GSDMC: variants seen among roughly 807,000 people sequenced by gnomAD.
GSDMC encodes gasdermin-C.
In GSDMC, 59 loss-of-function variants were observed where a neutral mutation model predicts 58.0. That is an observed-to-expected ratio of 1.02 (90% CI 0.82 to 1.26). GSDMC has a LOEUF of 1.26. Among genes scored for constraint, GSDMC ranks in the 50% most tolerant of loss-of-function variants. The pLI is 0.00. For missense variants in GSDMC, 659 were observed against 598.5 expected (o/e 1.10, Z -1.06); for synonymous variants, 241 against 220.2 (o/e 1.09, Z -0.83).
At chr8:129,749,069 G>A (rs1039662675) in intron 13 of GSDMC, among the ~76,000 whole-genome samples, 6 of 152,188 alleles carry the variant, frequency 3.9e-5, no homozygotes, top group Non-Finnish European at 8.8e-5. Context: ...TATACTTGGA[G>A]AGAGAAAAAC....
chr8:129,778,973 G>A (rs1333644459), intron 1 of GSDMC, among the ~76,000 whole-genome samples: 1 of 152,122 alleles, frequency 6.6e-6, no homozygotes, highest in Non-Finnish European at 1.5e-5. Flanking sequence ...ATGCTGGCAA[G>A]GTTGTGGAGA....
At chr8:129,731,185 C>T in the GSDMC span, among the ~76,000 whole-genome samples, 2 of 152,186 alleles carry the variant, frequency 1.3e-5, no homozygotes, top group Admixed American at 6.5e-5. Flanking sequence ...AAAAGAGCTA[C>T]AATGTCCTAG....
At chr8:129,712,396 C>T in the GSDMC span, among the ~76,000 whole-genome samples, 2 of 152,150 alleles carry the variant, frequency 1.3e-5, no homozygotes, top group Non-Finnish European at 2.9e-5. Flanking sequence ...CCCAGAAAAG[C>T]ATCTAACTCA....
the GSDMC span, chr8:129,729,914 A>G: frequency 7.3e-7 from 1 of 1,374,890 alleles, no homozygotes; most frequent in Non-Finnish European, 1.0e-6. Context: ...TGACTAATCC[A>G]AAAGATTTGA....
chr8:129,743,700 T>G (rs1246669835), downstream of GSDMC, among the ~76,000 whole-genome samples: 1 of 152,216 alleles, frequency 6.6e-6, no homozygotes, highest in Non-Finnish European at 1.5e-5. Context: ...TAAATTTTGC[T>G]TTAGCTGGCA....
At chr8:129,732,453 C>A in the GSDMC span, among the ~76,000 whole-genome samples, 3,664 of 152,112 alleles carry the variant, frequency 0.024, 168 homozygotes, top group African/African-American at 0.082. Context: ...CCTACCCACA[C>A]TAAAATAATT....
At chr8:129,749,935 G>A (rs945399493) in intron 12 of GSDMC, 55 bp downstream of exon 12, 65 of 1,461,918 alleles carry the variant, frequency 4.4e-5, no homozygotes, top group Non-Finnish European at 5.5e-5. Flanking sequence ...AGCTTTTTGC[G>A]GGTCCTGGGG....
At chr8:129,716,443 C>T in the GSDMC span, among the ~76,000 whole-genome samples, 1 of 152,082 alleles carries the variant, frequency 6.6e-6, no homozygotes, top group Non-Finnish European at 1.5e-5. Context: ...TATAGGAATG[C>T]TTGTGATTTT....
the GSDMC span, among the ~76,000 whole-genome samples, chr8:129,719,553 T>C: frequency 6.6e-6 from 1 of 152,158 alleles, no homozygotes; most frequent in Non-Finnish European, 1.5e-5. Context: ...AATCCACCAC[T>C]CTATATAAGC....
chr8:129,708,490 T>A, the GSDMC span, among the ~76,000 whole-genome samples: 1 of 152,332 alleles, frequency 6.6e-6, no homozygotes, highest in East Asian at 1.9e-4. Context: ...ACACTCAGCC[T>A]TAAGGAACCT....
chr8:129,730,155 G>C, the GSDMC span: 1 of 1,038,858 alleles, frequency 9.6e-7, no homozygotes, highest in Non-Finnish European at 1.4e-6. Flanking sequence ...AAAAAATAAA[G>C]AGCTGGCTAT....
the GSDMC span, among the ~76,000 whole-genome samples, chr8:129,725,114 G>A: frequency 6.6e-6 from 1 of 152,068 alleles, no homozygotes; most frequent in South Asian, 2.1e-4. Context: ...AAGACCATGG[G>A]GCCACCATTT....
chr8:129,783,598 C>CA (rs1467022176), intron 1 of GSDMC, among the ~76,000 whole-genome samples: 1 of 151,916 alleles, frequency 6.6e-6, no homozygotes, highest in Non-Finnish European at 1.5e-5. Context: ...GAAGAGGACA[C>CA]AAAAAATGGA....
At chr8:129,749,344 C>T (rs2033073911) in intron 13 of GSDMC, 108 bp downstream of exon 13, 1 of 775,596 alleles carries the variant, frequency 1.3e-6, no homozygotes, top group Non-Finnish European at 2.2e-6. Context: ...GATCTGGACT[C>T]CCCTCCCAGC....
the GSDMC span, among the ~76,000 whole-genome samples, chr8:129,730,653 C>T: frequency 2.6e-5 from 4 of 152,230 alleles, no homozygotes; most frequent in Non-Finnish European, 5.9e-5. Context: ...CCTCAATTTA[C>T]ATTGTGGTTA....
chr8:129,722,344 G>A, the GSDMC span, among the ~76,000 whole-genome samples: 1 of 152,198 alleles, frequency 6.6e-6, no homozygotes, highest in Admixed American at 6.5e-5. Flanking sequence ...AGGAGTTACA[G>A]TTTTATTTCT....
the GSDMC span, among the ~76,000 whole-genome samples, chr8:129,718,845 A>C: frequency 6.6e-6 from 1 of 152,342 alleles, no homozygotes; most frequent in East Asian, 1.9e-4. Context: ...TGGAAATACT[A>C]TGCAGCCATA....
chr8:129,738,296 T>A, the GSDMC span, among the ~76,000 whole-genome samples: 2 of 152,172 alleles, frequency 1.3e-5, no homozygotes, highest in Non-Finnish European at 2.9e-5. Context: ...GACCCATTGA[T>A]CCCATTACTG....
the GSDMC span, among the ~76,000 whole-genome samples, chr8:129,722,532 T>G: frequency 5.9e-5 from 9 of 152,186 alleles, no homozygotes; most frequent in Non-Finnish European, 1.2e-4. Flanking sequence ...CCTTTGGCCC[T>G]TCTACTGCCC....
Sources: allele counts gnomAD v4.1 joint callset (sites outside exome capture counted in the v4.1 genomes callset), GRCh38; gene constraint gnomAD v4.1.1; transcripts MANE v1.5; gene names NCBI Gene and HGNC (gene_info 2026-07-23, HGNC 2026-07-21).